ASIC2: variants seen among roughly 807,000 people sequenced by gnomAD.
ASIC2 encodes the protein acid-sensing ion channel 2.
In ASIC2, 25 loss-of-function variants were observed where a neutral mutation model predicts 57.3. That is an observed-to-expected ratio of 0.44 (90% CI 0.32 to 0.61). ASIC2 has a LOEUF of 0.61. Ranked by LOEUF, ASIC2 falls within the 20% of genes least tolerant of loss-of-function variation. The pLI is 0.06. For synonymous variants in ASIC2, 319 were observed against 307.5 expected, an observed-to-expected ratio of 1.04 and a Z score of -0.39; for missense variants, 641 against 738.1, an observed-to-expected ratio of 0.87 and a Z score of 1.52.
intron 1 of ASIC2, among the ~76,000 whole-genome samples, chr17:34,082,759 G>A (rs1394187900): frequency 1.3e-5 from 2 of 152,178 alleles, no homozygotes; most frequent in Non-Finnish European, 2.9e-5. Flanking sequence ...GATCATTACT[G>A]CTACCACTTT....
chr17:33,041,903 G>T (rs188779596), intron 3 of ASIC2, among the ~76,000 whole-genome samples: 45 of 152,268 alleles, frequency 3.0e-4, no homozygotes, highest in African/African-American at 9.9e-4. Context: ...TAGGTTCTAG[G>T]ATCAGGTGGC....
intron 1 of ASIC2, among the ~76,000 whole-genome samples, chr17:33,338,055 A>C (rs1469792863): frequency 1.4e-5 from 2 of 148,084 alleles, no homozygotes; most frequent in Admixed American, 1.3e-4. Flanking sequence ...GAGGATGGAG[A>C]TGTTCCTTCT....
At chr17:33,848,529 C>G (rs1488940262) in intron 1 of ASIC2, among the ~76,000 whole-genome samples, 2 of 152,160 alleles carry the variant, frequency 1.3e-5, no homozygotes, top group African/African-American at 4.8e-5. Flanking sequence ...TTTAGAGGCT[C>G]TCATGCCCTT....
chr17:34,084,650 G>A (rs1375725147), intron 1 of ASIC2, among the ~76,000 whole-genome samples: 4 of 152,076 alleles, frequency 2.6e-5, no homozygotes, highest in Admixed American at 1.3e-4. Context: ...CCATTTTCAC[G>A]ATATTGATTC....
rs898741795 is a variant in ASIC2 at position 33,493,303 on chromosome 17, A to G, written c.556-381236T>C. Among the ~76,000 whole-genome samples the G allele has an allele frequency of 7.9e-5, 12 of 152,236 alleles. 1 individual carries two copies. In the South Asian group the frequency reaches 2.3e-3, roughly 29 times the overall value. ...CTTTGAATTTCCTGTCCTTCTTGTC[A>G]TATATCTTCCCTTTAAAAGTTTTGT... On this transcript the variant is annotated intron_variant, in intron 1 of 9. Coordinates refer to the ASIC2 transcript ENST00000359872.
chr17:33,209,420 T>C (rs1006512605), intron 1 of ASIC2, among the ~76,000 whole-genome samples: 1 of 152,198 alleles, frequency 6.6e-6, no homozygotes, highest in African/African-American at 2.4e-5. Flanking sequence ...CTCTAGACCA[T>C]GGTTTTTCAG....
rs551077314 is a variant in ASIC2 at position 33,818,192 on chromosome 17, G to A, written c.555+337786C>T. Among the ~76,000 whole-genome samples, 4 of 152,248 alleles carry A rather than the reference G, an allele frequency of 2.6e-5. No homozygotes were observed. The South Asian group carries it at 8.3e-4, about 32-fold the overall frequency. On this transcript the variant is annotated intron_variant, in intron 1 of 9. Coordinates refer to the ASIC2 transcript ENST00000359872. ...AAGGTTTATGAAGAGCATGTGGGAA[G>A]GGAAAAACATTGTTGCAGCCACTTT...
intron 1 of ASIC2, among the ~76,000 whole-genome samples, chr17:33,574,841 CTCTGTT>C (rs1431168719): frequency 7.4e-6 from 1 of 134,284 alleles, no homozygotes; most frequent in East Asian, 2.1e-4. Flanking sequence ...TTTGGGTGGT[CTCTGTT>C]TCTATTTTTT....
At position 33,157,981 on chromosome 17, in the gene ASIC2, G is replaced by A. The variant is rs980570863; in HGVS notation, c.709-45914C>T. On this transcript the variant is annotated intron_variant, in intron 1 of 9. Transcript: ENST00000225823. ...CTGCCCTTGCTGTTCCCTCCTCCTGGAATGTTCCTCCCCCAGCATTGACAT... is the reference window on the plus strand; with the variant it reads ...CTGCCCTTGCTGTTCCCTCCTCCTGAAATGTTCCTCCCCCAGCATTGACAT... Among the ~76,000 whole-genome samples the A allele has an allele frequency of 3.3e-5, 5 of 152,280 alleles. No individual in the cohort carries two copies. The East Asian group carries it at 5.8e-4, about 18-fold the overall frequency.
intron 1 of ASIC2, among the ~76,000 whole-genome samples, chr17:33,458,916 G>A (rs1912540043): frequency 6.6e-6 from 1 of 152,092 alleles, no homozygotes; most frequent in Non-Finnish European, 1.5e-5. Flanking sequence ...ATGCTGCACA[G>A]GGTTTCTGTC....
chr17:33,535,397 C>T (rs1163888999), intron 1 of ASIC2, among the ~76,000 whole-genome samples: 6 of 151,860 alleles, frequency 4.0e-5, no homozygotes, highest in Non-Finnish European at 7.4e-5. Flanking sequence ...CTCAGCCTCC[C>T]GAGTAGCTGG....
intron 1 of ASIC2, among the ~76,000 whole-genome samples, chr17:33,527,402 C>T (rs149564190): frequency 5.7e-4 from 87 of 152,098 alleles, no homozygotes; most frequent in African/African-American, 1.8e-3. Flanking sequence ...TTGCCTTGCT[C>T]GAAGCCTAAT....
intron 1 of ASIC2, among the ~76,000 whole-genome samples, chr17:33,799,427 C>CTTTCTTTCTTCT (rs11439080): frequency 7.3e-4 from 61 of 84,080 alleles, no homozygotes; most frequent in East Asian, 1.4e-3. Context: ...TTCTTTCTTT[C>CTTTCTTTCTTCT]TTCTTTCTTT....
chr17:33,747,767 G>A (rs916626835), intron 1 of ASIC2, among the ~76,000 whole-genome samples: 11 of 152,184 alleles, frequency 7.2e-5, no homozygotes, highest in African/African-American at 2.4e-4. Flanking sequence ...GGCAAAGCCT[G>A]GACTAAACCT....
chr17:33,729,193 C>G (rs1909658155), intron 1 of ASIC2, among the ~76,000 whole-genome samples: 1 of 152,174 alleles, frequency 6.6e-6, no homozygotes, highest in African/African-American at 2.4e-5. Context: ...TCTCAGGAAG[C>G]TTGCAATCCT....
chr17:33,738,436 T>C (rs9900504), intron 1 of ASIC2, among the ~76,000 whole-genome samples: 2,721 of 152,240 alleles, frequency 0.018, 90 homozygotes, highest in African/African-American at 0.061. Flanking sequence ...GAACCTAATT[T>C]GTTCACCAAT....
intron 1 of ASIC2, among the ~76,000 whole-genome samples, chr17:33,955,796 G>GT (rs1392719249): frequency 7.9e-5 from 12 of 152,132 alleles, no homozygotes; most frequent in Admixed American, 7.9e-4. Context: ...AACTGCTTAT[G>GT]TTTTTTCCTC....
intron 3 of ASIC2, among the ~76,000 whole-genome samples, chr17:33,068,402 G>A (rs1042316513): frequency 5.9e-5 from 9 of 152,142 alleles, no homozygotes; most frequent in African/African-American, 2.2e-4. Flanking sequence ...GCATGGTGGT[G>A]CATGCCTGTA....
intron 1 of ASIC2, among the ~76,000 whole-genome samples, chr17:33,474,767 C>CA: frequency 1.3e-5 from 2 of 152,290 alleles, no homozygotes; most frequent in Admixed American, 1.3e-4. Context: ...GGCAAGGTGA[C>CA]AGAGGGTGGA....
Sources: gnomAD v4.1 joint callset for allele counts (sites outside exome capture counted in the v4.1 genomes callset) on GRCh38, gnomAD v4.1.1 for gene constraint, MANE v1.5 for transcripts, NCBI Gene and HGNC (gene_info 2026-07-23, HGNC 2026-07-21) for gene names.